The following FBXO17 variants were observed in gnomAD, a reference collection of about 807,000 sequenced individuals.
FBXO17 encodes F-box only protein 17.
A neutral mutation model predicts 34.1 loss-of-function variants in FBXO17; 43 were observed. That is an observed-to-expected ratio of 1.26 (90% CI 0.99 to 1.62). FBXO17 has a LOEUF of 1.62. Among genes scored for constraint, FBXO17 ranks in the 40% most tolerant of loss-of-function variants. The pLI, the probability that FBXO17 is intolerant of heterozygous loss-of-function variation, is 0.00. For synonymous variants in FBXO17, 169 were observed against 166.0 expected (o/e 1.02, Z -0.14); for missense variants, 424 against 386.7 (o/e 1.10, Z -0.81).
At chr19:38,952,626 A>G (rs1014806226) in intron 1 of FBXO17, 2 of 534,054 alleles carry the variant, frequency 3.7e-6, no homozygotes, top group African/African-American at 3.9e-5. Context: ...CTTCTCCCTA[A>G]TTTTAGCTCT....
At position 38,971,992 on chromosome 19, in the gene FBXO17, G is replaced by A. The variant is rs138790721; in HGVS notation, c.-18+3594C>T. Among the ~76,000 whole-genome samples, 8 of 152,298 alleles carry A rather than the reference G, an allele frequency of 5.3e-5. No individual in the cohort carries two copies. In the East Asian group the frequency reaches 1.5e-3, roughly 29 times the overall value. On this transcript the variant is annotated intron_variant, in intron 1 of 5. Transcript: ENST00000292852. ...CAGAAGCCTCAAACCACCCCATGAA[G>A]TAGGCACATGGGGAAACTGAGGCTT...
intron 5 of FBXO17, chr19:38,944,693 T>G: frequency 2.3e-6 from 1 of 440,012 alleles, no homozygotes; most frequent in Non-Finnish European, 4.1e-6. Flanking sequence ...GAGATAGGAT[T>G]TTGCTTCACT....
At chr19:38,943,119 G>T (rs1431246782) in intron 5 of FBXO17, among the ~76,000 whole-genome samples, 2 of 152,150 alleles carry the variant, frequency 1.3e-5, no homozygotes, top group Non-Finnish European at 2.9e-5. Context: ...CCCTGAGGTG[G>T]GAGAATGCCT....
At chr19:38,965,594 C>T (rs553403508) in intron 1 of FBXO17, among the ~76,000 whole-genome samples, 18 of 152,294 alleles carry the variant, frequency 1.2e-4, no homozygotes, top group African/African-American at 4.3e-4. Flanking sequence ...GCAATCTCCA[C>T]CTCCTGGGTT....
intron 3 of FBXO17, chr19:38,946,829 C>G (rs1444714978): frequency 2.0e-6 from 1 of 504,080 alleles, no homozygotes; most frequent in Non-Finnish European, 3.6e-6. Context: ...TGGGACAGGA[C>G]ATGACTACAA....
At chr19:38,953,665 C>CAAAACA (rs1323294437) in intron 1 of FBXO17, among the ~76,000 whole-genome samples, 3 of 151,452 alleles carry the variant, frequency 2.0e-5, no homozygotes, top group Non-Finnish European at 4.4e-5. Flanking sequence ...TGTCTCAAAA[C>CAAAACA]AAAACAAAAA....
At position 38,950,028 on chromosome 19, in the gene FBXO17, G is replaced by T; in HGVS notation, c.292C>A (p.Arg98Ser). ...KEEFPLCALA[R>S]YCLRAPFGRN... ...CCGAAGGGCGCGCGCAGACAGTAGC[G>T]CGCCAGGGCGCACAGCGGGAACTCC... The change falls in exon 2 of 6, where the codon CGC becomes AGC. Residue 98 changes from arginine to serine, a missense_variant. Transcript: ENST00000292852. 6.4e-7 allele frequency: 1 copy of T among 1,563,968 alleles called. No individual in the cohort carries two copies. The highest frequency in any genetic ancestry group is 8.7e-7 in the Non-Finnish European group (1 of 1,155,810).
intron 1 of FBXO17, among the ~76,000 whole-genome samples, chr19:38,961,545 G>A (rs1975249731): frequency 6.6e-6 from 1 of 151,982 alleles, no homozygotes; most frequent in African/African-American, 2.4e-5. Flanking sequence ...AAAGTGCTGC[G>A]ATTACAGGTG....
intron 1 of FBXO17, among the ~76,000 whole-genome samples, chr19:38,960,533 G>C (rs993692702): frequency 6.6e-6 from 1 of 151,844 alleles, no homozygotes; most frequent in African/African-American, 2.4e-5. Flanking sequence ...TTTTGAGACA[G>C]AGTCTCGCTC....
At chr19:38,945,967 A>C (rs1974977130) in intron 4 of FBXO17, 1 of 180,930 alleles carries the variant, frequency 5.5e-6, no homozygotes, top group Admixed American at 5.6e-5. Context: ...GAAGAGCCAG[A>C]GCCCCAGGGA....
chr19:38,969,588 C>CTTTT (rs67681512), intron 1 of FBXO17, among the ~76,000 whole-genome samples: 1 of 103,494 alleles, frequency 9.7e-6, no homozygotes, highest in Non-Finnish European at 1.9e-5. Flanking sequence ...AACCACTGGG[C>CTTTT]TTTTTTTTTT....
At position 38,942,636 on chromosome 19, in the gene FBXO17, C is replaced by G. The variant is rs959685143; in HGVS notation, c.809G>C (p.Ser270Thr). 2.5e-6 allele frequency: 4 copies of G among 1,591,598 alleles called. No homozygotes were observed. The highest frequency in any genetic ancestry group is 1.8e-5 in the Admixed American group (1 of 55,210). ...GGACAGACGGATCCTGACCCTCACA[C>G]TGGAGTGGGTCACAAGGGCGCCATA... The part of the protein sequence containing the change: ...GHYGALVTHS[S>T]VRVRIRLS The change falls in exon 6 of 6, where the codon AGT becomes ACT. Residue 270 changes from serine (S) to threonine (T), a missense_variant. Physicochemically the swap from Ser to Thr is moderately conservative, Grantham distance 58. Coordinates refer to ENST00000292852, the MANE Select transcript of FBXO17 (RefSeq NM_024907.7).
chr19:38,963,865 C>A (rs1308302413), intron 1 of FBXO17, among the ~76,000 whole-genome samples: 1 of 151,602 alleles, frequency 6.6e-6, no homozygotes, highest in African/African-American at 2.4e-5. Context: ...CTCACTGCAA[C>A]ATCCACCTCC....
In FBXO17 at chr19:38,968,605, T is replaced by A. The variant is rs189183839; in HGVS notation, c.-18+6981A>T. Reference sequence around the variant, plus strand: ...ATACACCTTCTACCTCCATGCAAACTCTCATATGCTAATGTTCATAGCAGC... The same window carrying A: ...ATACACCTTCTACCTCCATGCAAACACTCATATGCTAATGTTCATAGCAGC... On this transcript the variant is annotated intron_variant, in intron 1 of 5. Transcript: ENST00000292852. Among the ~76,000 whole-genome samples the A allele has an allele frequency of 1.3e-3, 205 of 152,112 alleles. 1 individual carries two copies. The highest frequency in any genetic ancestry group is 4.8e-3 in the African/African-American group (199 of 41,494).
chr19:38,944,678 G>A (rs538713402), intron 5 of FBXO17: 1 of 398,500 alleles, frequency 2.5e-6, no homozygotes, highest in South Asian at 3.0e-5. Context: ...CTCAACTCTA[G>A]AATGGAGATA....
At chr19:38,954,286 T>C (rs549341677) in intron 1 of FBXO17, among the ~76,000 whole-genome samples, 12 of 152,288 alleles carry the variant, frequency 7.9e-5, no homozygotes, top group African/African-American at 1.7e-4. Flanking sequence ...ATTTACTTTT[T>C]TGAGATGGAG....
Position 38,950,061 on chromosome 19 carries a change from C to A in FBXO17, c.259G>T (p.Asp87Tyr), listed in dbSNP as rs1455606937. ...GCGCACAGCGGGAACTCCTCCTTGT[C>A]TTCGTTGCTGGGCAGGCAGCGTTGA... is the stretch of plus-strand genomic sequence containing the variant. The part of the protein sequence containing the change: ...VAQRCLPSNE[D>Y]KEEFPLCALA... Residue 87 changes from aspartate to tyrosine, a missense_variant, in exon 2 of 6, where the codon GAC becomes TAC. Coordinates refer to ENST00000292852, the MANE Select transcript of FBXO17 (RefSeq NM_024907.7). 9.6e-6 allele frequency: 15 copies of A among 1,569,234 alleles called. No homozygotes were observed. Among genetic ancestry groups the A allele is most frequent in the Non-Finnish European group, 1.3e-5 (15 of 1,158,548 alleles).
chr19:38,974,237 A>T (rs188346491), intron 1 of FBXO17, among the ~76,000 whole-genome samples: 2 of 151,564 alleles, frequency 1.3e-5, no homozygotes, highest in African/African-American at 2.4e-5. Context: ...GCCTACCACC[A>T]CGCCTGGCTA....
At chr19:38,952,745 C>G (rs1382257064) in intron 1 of FBXO17, 1 of 469,764 alleles carries the variant, frequency 2.1e-6, no homozygotes, top group Admixed American at 2.3e-5. Context: ...TCTCTAGTGA[C>G]TTTTTCCTTC....
Sources: allele counts gnomAD v4.1 joint callset (sites outside exome capture counted in the v4.1 genomes callset), GRCh38; gene constraint gnomAD v4.1.1; transcripts MANE v1.5; gene names NCBI Gene and HGNC (gene_info 2026-07-23, HGNC 2026-07-21).